PHACTR1: variants seen among roughly 807,000 people sequenced by gnomAD.
PHACTR1 encodes RPEL repeat containing 1.
Under a neutral mutation model 69.2 loss-of-function variants are expected in PHACTR1, and 16 were observed. The observed-to-expected ratio is 0.23, with a 90% CI of 0.16 to 0.35. The LOEUF is 0.35. Ranked by LOEUF, PHACTR1 falls within the 10% of genes least tolerant of loss-of-function variation. The probability of loss-of-function intolerance (pLI) is 1.00; values close to 1 mark genes in which losing one functional copy is unlikely to be tolerated. For missense variants in PHACTR1, 510 were observed against 734.7 expected (o/e 0.69, Z 3.54); for synonymous variants, 312 against 284.5 (o/e 1.10, Z -0.97).
Position 13,223,294 on chromosome 6 carries a change from T to G in PHACTR1, c.987-4522T>G, listed in dbSNP as rs536155139. On this transcript the variant is annotated intron_variant, in intron 8 of 14. Transcript: ENST00000332995. ...AGATCAGGGCACAGAAAATTTTTTC[T>G]TTAAGGAACCAGATAGATAGTAAAT... is the stretch of plus-strand genomic sequence containing the variant. Among the ~76,000 whole-genome samples, 4 of 152,328 alleles carry G rather than the reference T, an allele frequency of 2.6e-5. No individual in the cohort carries two copies. The East Asian group carries it at 7.7e-4, about 29-fold the overall frequency.
intron 4 of PHACTR1, among the ~76,000 whole-genome samples, chr6:12,756,485 A>C (rs1459629223): frequency 6.6e-6 from 1 of 152,172 alleles, no homozygotes; most frequent in African/African-American, 2.4e-5. Flanking sequence ...ATAAAAGACA[A>C]AATCAATTTT....
intron 5 of PHACTR1, among the ~76,000 whole-genome samples, chr6:13,079,982 C>T (rs561613544): frequency 7.2e-5 from 11 of 152,238 alleles, no homozygotes; most frequent in East Asian, 3.9e-4. Context: ...TACAGAGAAA[C>T]GGCGTGTAAC....
chr6:13,105,036 G>A (rs1206418414), intron 5 of PHACTR1, among the ~76,000 whole-genome samples: 1 of 152,172 alleles, frequency 6.6e-6, no homozygotes, highest in African/African-American at 2.4e-5. Flanking sequence ...GATCGTGAGC[G>A]TGGTCTGATA....
rs554841400 is a variant in PHACTR1 at position 12,986,720 on chromosome 6, G to A, written c.251-66645G>A. Among the ~76,000 whole-genome samples, 25 of 152,338 alleles carry A rather than the reference G, an allele frequency of 1.6e-4. No individual in the cohort carries two copies. The South Asian group carries it at 4.1e-3, about 25-fold the overall frequency. ...TAGAAGACACCTACGGAAGATTGGT[G>A]GGGAGGAGGATCCATCTTACTTGTG... On this transcript the variant is annotated intron_variant, in intron 4 of 14. Coordinates refer to ENST00000332995, the MANE Select transcript of PHACTR1 (RefSeq NM_030948.6).
chr6:12,955,393 C>T (rs1582680629), intron 4 of PHACTR1, among the ~76,000 whole-genome samples: 3 of 151,778 alleles, frequency 2.0e-5, no homozygotes, highest in African/African-American at 4.8e-5. Context: ...TTTATAGCAA[C>T]GGGGTCTTGC....
At chr6:12,964,080 G>T (rs1282523842) in intron 4 of PHACTR1, among the ~76,000 whole-genome samples, 1 of 152,154 alleles carries the variant, frequency 6.6e-6, no homozygotes. Context: ...AAAAAAAAAT[G>T]TGTTTTTATA....
intron 3 of PHACTR1, among the ~76,000 whole-genome samples, chr6:12,732,966 A>G (rs1330576249): frequency 6.6e-6 from 1 of 152,204 alleles, no homozygotes; most frequent in Non-Finnish European, 1.5e-5. Context: ...TCGTGATCTA[A>G]TCACTGTCAT....
rs574463084 is a variant in PHACTR1 at position 13,064,760 on chromosome 6, T to C, written c.415+11231T>C. ...CGTGGTCTGGGACCCTAGGTCTTTT[T>C]GTAACAAGTTGTTTGGCATGAGGCC... On this transcript the variant is annotated intron_variant, in intron 5 of 14. Coordinates refer to ENST00000332995, the MANE Select transcript of PHACTR1 (RefSeq NM_030948.6). 3.3e-5 allele frequency among the ~76,000 whole-genome samples: 5 copies of C among 150,440 alleles called. No individual in the cohort carries two copies. The East Asian group carries it at 1.0e-3, about 30-fold the overall frequency.
intron 6 of PHACTR1, among the ~76,000 whole-genome samples, chr6:13,164,771 G>A (rs1759544724): frequency 6.6e-6 from 1 of 152,190 alleles, no homozygotes; most frequent in Non-Finnish European, 1.5e-5. Flanking sequence ...TACTCTGACA[G>A]TTCTCAAAAT....
chr6:13,141,913 A>G (rs892578847), intron 5 of PHACTR1, among the ~76,000 whole-genome samples: 1 of 151,986 alleles, frequency 6.6e-6, no homozygotes, highest in Non-Finnish European at 1.5e-5. Flanking sequence ...TTTGAGGATA[A>G]TGGATATTTT....
chr6:13,233,935 C>T (rs1242996407), intron 10 of PHACTR1, among the ~76,000 whole-genome samples: 1 of 152,214 alleles, frequency 6.6e-6, no homozygotes, highest in Admixed American at 6.5e-5. Flanking sequence ...AGCCAGATTG[C>T]AGGGACTGTA....
intron 5 of PHACTR1, among the ~76,000 whole-genome samples, chr6:13,072,210 G>A (rs528301633): frequency 9.9e-5 from 15 of 152,266 alleles, no homozygotes; most frequent in African/African-American, 3.6e-4. Context: ...TCTGTTTCCA[G>A]TAGTTCTGAA....
At chr6:12,730,031 T>C (rs547323213) in intron 3 of PHACTR1, among the ~76,000 whole-genome samples, 27 of 152,238 alleles carry the variant, frequency 1.8e-4, no homozygotes, top group African/African-American at 6.5e-4. Flanking sequence ...ATTTAAAGCA[T>C]ATTGAGTTTG....
At chr6:13,281,798 A>G (rs764980607) in intron 12 of PHACTR1, among the ~76,000 whole-genome samples, 6 of 152,254 alleles carry the variant, frequency 3.9e-5, no homozygotes, top group African/African-American at 7.2e-5. Flanking sequence ...GACCACAGCC[A>G]TAACAGCCTG....
intron 4 of PHACTR1, among the ~76,000 whole-genome samples, chr6:12,989,211 A>C (rs1796536900): frequency 6.6e-6 from 1 of 152,242 alleles, no homozygotes; most frequent in African/African-American, 2.4e-5. Context: ...CATCACTGCT[A>C]TTCATGTGTC....
intron 5 of PHACTR1, among the ~76,000 whole-genome samples, chr6:13,131,425 A>G (rs1232650181): frequency 6.6e-6 from 1 of 151,858 alleles, no homozygotes; most frequent in Non-Finnish European, 1.5e-5. Flanking sequence ...GAATGATATA[A>G]TGGACTTTGG....
At chr6:12,774,371 T>A (rs1378058010) in intron 4 of PHACTR1, among the ~76,000 whole-genome samples, 2 of 151,310 alleles carry the variant, frequency 1.3e-5, no homozygotes, top group Non-Finnish European at 2.9e-5. Context: ...AATTTGAACA[T>A]ATTTGGCTTT....
intron 7 of PHACTR1, among the ~76,000 whole-genome samples, chr6:13,187,371 T>C (rs17664981): frequency 0.046 from 6,999 of 152,268 alleles, 333 homozygotes; most frequent in Admixed American, 0.13. Context: ...GAAGGACATT[T>C]ATAGAAAATG....
chr6:13,286,277 C>A, intron 14 of PHACTR1, 55 bp downstream of exon 14: 2 of 1,413,292 alleles, frequency 1.4e-6, no homozygotes, highest in South Asian at 2.7e-5. Context: ...CAATATTTAT[C>A]TCCAAATAAA....
Sources: gnomAD v4.1 joint callset for allele counts (sites outside exome capture counted in the v4.1 genomes callset) on GRCh38, gnomAD v4.1.1 for gene constraint, MANE v1.5 for transcripts, NCBI Gene and HGNC (gene_info 2026-07-23, HGNC 2026-07-21) for gene names.